Variants in PCBP2 observed in about 807,000 individuals in gnomAD.
The protein encoded by PCBP2 is poly(rC) binding protein 2.
In PCBP2, 4 loss-of-function variants were observed where a neutral mutation model predicts 50.1. That is an observed-to-expected ratio of 0.08 (90% confidence interval 0.04 to 0.18). PCBP2 has a LOEUF of 0.18. Among genes scored for constraint, PCBP2 ranks in the 10% least tolerant of loss-of-function variants. The pLI is 1.00. For synonymous variants in PCBP2, 179 were observed against 168.0 expected, an observed-to-expected ratio of 1.07 and a Z score of -0.51; for missense variants, 161 against 474.3, an observed-to-expected ratio of 0.34 and a Z score of 6.14.
chr12:53,467,174 G>A lies in PCBP2; in HGVS notation c.715-47G>A, dbSNP rs1371871299. 3.4e-6 allele frequency: 5 copies of A among 1,456,772 alleles called. No individual in the cohort carries two copies. In the African/African-American group the frequency reaches 4.2e-5, roughly 12 times the overall value. The allele number at this position is 1,456,772 out of a possible 1,614,324, so 90.2% of individuals were successfully genotyped here. A position where few individuals can be genotyped will look rare whatever the true frequency, so the allele number is the denominator to read the frequency against. The stretch of plus-strand genomic sequence containing the variant: ...TCAAATTCGAATGTGCTTGAGCCCT[G>A]GCTCTGTTAAATCTTCTAATGCCAA... On this transcript the variant is annotated intron_variant, in intron 10 of 14. Coordinates refer to ENST00000546463, the MANE Select transcript of PCBP2 (RefSeq NM_031989.5).
chr12:53,457,143 C>T lies in PCBP2; in HGVS notation c.243+1142C>T, dbSNP rs527624031. Among the ~76,000 whole-genome samples, 5 of 152,182 alleles carry T rather than the reference C, an allele frequency of 3.3e-5. No individual in the cohort carries two copies. In the South Asian group the frequency reaches 1.0e-3, roughly 32 times the overall value. ...CTGTAGCTCTCTGCATCCTCCCAGG[C>T]TCAAGTGATCCTTCTGCCTTAGCTT... On this transcript the variant is annotated intron_variant, in intron 5 of 14. Coordinates refer to ENST00000546463, the MANE Select transcript of PCBP2 (RefSeq NM_031989.5).
intron 6 of PCBP2, chr12:53,459,784 C>CA: frequency 2.5e-6 from 1 of 392,678 alleles, no homozygotes; most frequent in Non-Finnish European, 5.2e-6. Context: ...GACACGGTCT[C>CA]ACTCTGTCTC....
At position 53,470,378 on chromosome 12, in the gene PCBP2, CAAAAAAAA is replaced by C. The variant is rs754350790; in HGVS notation, c.883-1243_883-1236del. On this transcript the variant is annotated intron_variant, in intron 13 of 14. Coordinates refer to ENST00000546463, the MANE Select transcript of PCBP2 (RefSeq NM_031989.5). ...GGCAACAGACCAAGACTCCGTCTCTCAAAAAAAAAAAAAAAAAAAAAAAAGTGTAGTGG... is the reference window on the plus strand; with the variant it reads ...GGCAACAGACCAAGACTCCGTCTCTCAAAAAAAAAAAAAAAAGTGTAGTGG... Among the ~76,000 whole-genome samples, 229 of 47,366 alleles carry C rather than the reference CAAAAAAAA, an allele frequency of 4.8e-3. 2 individuals are homozygous for C. Among genetic ancestry groups the C allele is most frequent in the African/African-American group, 0.012 (117 of 10,028 alleles). 31.1% of individuals were successfully genotyped at this position (47,366 alleles called of 152,430 possible). A position where few individuals can be genotyped will look rare whatever the true frequency, so the allele number is the denominator to read the frequency against.
At chr12:53,467,724 G>T in intron 11 of PCBP2, 81 bp from the exon 12 acceptor site, 2 of 1,096,484 alleles carry the variant, frequency 1.8e-6, no homozygotes, top group Admixed American at 2.2e-5. Flanking sequence ...TTCGTTTTTG[G>T]GGCTTTTCTG....
At chr12:53,474,834 C>G in intron 14 of PCBP2, 2 of 369,550 alleles carry the variant, frequency 5.4e-6, no homozygotes, top group South Asian at 2.0e-5. Flanking sequence ...CTTCCACCCA[C>G]CCTTTTTTTT....
intron 5 of PCBP2, among the ~76,000 whole-genome samples, chr12:53,457,556 G>C (rs1158428608): frequency 2.0e-5 from 3 of 151,098 alleles, no homozygotes; most frequent in African/African-American, 7.3e-5. Context: ...GTGTTGCCTA[G>C]GCTCGTCTTG....
At chr12:53,477,426 G>T (rs1358658526) in intron 14 of PCBP2, among the ~76,000 whole-genome samples, 1 of 152,112 alleles carries the variant, frequency 6.6e-6, no homozygotes, top group Non-Finnish European at 1.5e-5. Context: ...AGCACTTTGG[G>T]AGGCCGAGGC....
At chr12:53,477,019 C>G (rs1487488763) in intron 14 of PCBP2, among the ~76,000 whole-genome samples, 2 of 152,142 alleles carry the variant, frequency 1.3e-5, no homozygotes, top group Non-Finnish European at 2.9e-5. Flanking sequence ...CAAAGGGCCT[C>G]AGTTTTAAAT....
At chr12:53,474,003 G>C (rs772102390) in intron 14 of PCBP2, among the ~76,000 whole-genome samples, 2 of 152,126 alleles carry the variant, frequency 1.3e-5, no homozygotes, top group Non-Finnish European at 2.9e-5. Context: ...CAATTGTCCA[G>C]GCACACTTCC....
Position 53,452,102 on chromosome 12 carries a change from C to A in PCBP2, c.-350C>A, listed in dbSNP as rs941551307. The A allele has an allele frequency of 6.5e-6, 1 of 152,678 alleles. No individual in the cohort carries two copies. Among genetic ancestry groups the A allele is most frequent in the Non-Finnish European group, 1.5e-5 (1 of 67,978 alleles). The allele number at this position is 152,678 out of a possible 1,614,324, so 9.5% of individuals were successfully genotyped here. A position where few individuals can be genotyped will look rare whatever the true frequency, so the allele number is the denominator to read the frequency against. Reference sequence around the variant, plus strand: ...GCAGGCCGCTCCGCCCCGTCCCCCTCCCAGACCAGCAGAGGCAGCAGCCGG... The same window carrying A: ...GCAGGCCGCTCCGCCCCGTCCCCCTACCAGACCAGCAGAGGCAGCAGCCGG... On this transcript the variant is annotated 5_prime_UTR_variant, in exon 1 of 15. Transcript: ENST00000546463.
At position 53,479,648 on chromosome 12, in the gene PCBP2, T is replaced by A. The variant is rs1942919464; in HGVS notation, c.*206T>A. The A allele has an allele frequency of 3.3e-6, 1 of 302,002 alleles. No individual in the cohort carries two copies. The highest frequency in any genetic ancestry group is 2.3e-5 in the African/African-American group (1 of 43,952). The allele number at this position is 302,002 out of a possible 1,614,324, so 18.7% of individuals were successfully genotyped here. On this transcript the variant is annotated 3_prime_UTR_variant, in exon 15 of 15. Transcript: ENST00000546463. ...CAGCTGTTGATGCTGAGATCCATAT[T>A]TAGTTTTATAAGCTTCTCCCTGGTT... is the stretch of plus-strand genomic sequence containing the variant.
At position 53,455,876 on chromosome 12, in the gene PCBP2, C is replaced by T; in HGVS notation, c.127-9C>T. On this transcript the variant is annotated splice_polypyrimidine_tract_variant and intron_variant, in intron 4 of 14. Transcript: ENST00000546463. Reference sequence around the variant, plus strand: ...TTTTAACTTCTTTTGGATCTTGTTTCCTATCTAGAGTGGTGCACGTATCAA... The same window carrying T: ...TTTTAACTTCTTTTGGATCTTGTTTTCTATCTAGAGTGGTGCACGTATCAA... 1 of 1,564,162 alleles carries T rather than the reference C, an allele frequency of 6.4e-7. No homozygotes were observed. Among genetic ancestry groups the T allele is most frequent in the East Asian group, 2.2e-5 (1 of 44,620 alleles).
intron 13 of PCBP2, among the ~76,000 whole-genome samples, chr12:53,470,144 G>T (rs527536723): frequency 9.9e-5 from 15 of 151,972 alleles, no homozygotes; most frequent in Non-Finnish European, 1.8e-4. Context: ...CAGCACTTGT[G>T]GGAGGCTGAG....
At position 53,464,929 on chromosome 12, in the gene PCBP2, A is replaced by G. The variant is rs1941708291; in HGVS notation, c.672+77A>G. 1.0e-5 allele frequency: 15 copies of G among 1,468,684 alleles called. No individual in the cohort carries two copies. In the South Asian group the frequency reaches 2.1e-4, roughly 21 times the overall value. 91.0% of individuals were successfully genotyped at this position (1,468,684 alleles called of 1,614,324 possible). On this transcript the variant is annotated intron_variant, in intron 9 of 14. Coordinates refer to ENST00000546463, the MANE Select transcript of PCBP2 (RefSeq NM_031989.5). ...CGAGACTGCCAACACACGGGGGGCCAGTGGCGCTGGTGATTTTTGGTGCTG... is the reference window on the plus strand; with the variant it reads ...CGAGACTGCCAACACACGGGGGGCCGGTGGCGCTGGTGATTTTTGGTGCTG...
chr12:53,457,052 T>G (rs955607919), intron 5 of PCBP2, among the ~76,000 whole-genome samples: 1 of 152,214 alleles, frequency 6.6e-6, no homozygotes, highest in African/African-American at 2.4e-5. Flanking sequence ...TCATAGTATT[T>G]AACTTTTTTT....
At chr12:53,461,493 A>T (rs936555620) in intron 7 of PCBP2, among the ~76,000 whole-genome samples, 11 of 152,276 alleles carry the variant, frequency 7.2e-5, no homozygotes, top group Middle Eastern at 3.4e-3. Context: ...GTTACATGGA[A>T]ATTTGACATG....
intron 8 of PCBP2, among the ~76,000 whole-genome samples, chr12:53,462,848 TC>T (rs1217297884): frequency 2.6e-5 from 4 of 152,244 alleles, no homozygotes; most frequent in Admixed American, 2.6e-4. Context: ...TCTCTCCCTG[TC>T]CCCACCCCAT....
intron 9 of PCBP2, among the ~76,000 whole-genome samples, chr12:53,465,243 T>C (rs1340192816): frequency 1.3e-5 from 2 of 151,904 alleles, no homozygotes; most frequent in Non-Finnish European, 1.5e-5. Flanking sequence ...CTTTCCTCCT[T>C]TTCCCTACCC....
At chr12:53,467,423 C>T (rs1353801995) in intron 11 of PCBP2, 130 bp downstream of exon 11, 1 of 806,708 alleles carries the variant, frequency 1.2e-6, no homozygotes, top group Admixed American at 1.8e-5. Flanking sequence ...ACTTGCCTGT[C>T]TACTATGGCT....
Sources: gnomAD v4.1 joint callset for allele counts (sites outside exome capture counted in the v4.1 genomes callset) on GRCh38, gnomAD v4.1.1 for gene constraint, MANE v1.5 for transcripts, NCBI Gene and HGNC (gene_info 2026-07-23, HGNC 2026-07-21) for gene names.